Variants in DNAAF1 observed in about 807,000 individuals in gnomAD.
The protein encoded by DNAAF1 is dynein axonemal assembly factor 1, also known as dynein assembly factor 1, axonemal.
A neutral mutation model predicts 71.1 loss-of-function variants in DNAAF1; 65 were observed. That is an observed-to-expected ratio of 0.91 (90% CI 0.75 to 1.12). The LOEUF is 1.12. Ranked by LOEUF, DNAAF1 falls within the 50% of genes most tolerant of loss-of-function variation. The probability of loss-of-function intolerance (pLI) is 0.00; values close to 1 mark genes in which losing one functional copy is unlikely to be tolerated. For synonymous variants in DNAAF1, 414 were observed against 354.6 expected (o/e 1.17, Z -1.88); for missense variants, 1,178 against 899.8 (o/e 1.31, Z -3.96).
chr16:84,175,837 T>C (rs878879740), intron 10 of DNAAF1, 96 bp from the exon 11 acceptor site: 1 of 1,463,686 alleles, frequency 6.8e-7, no homozygotes, highest in Non-Finnish European at 9.5e-7. Context: ...GAATACTTTG[T>C]GACATTGGGT....
chr16:84,148,448 C>T (rs905369168), intron 1 of DNAAF1, among the ~76,000 whole-genome samples: 3 of 151,582 alleles, frequency 2.0e-5, no homozygotes, highest in Non-Finnish European at 2.9e-5. Flanking sequence ...TAAAAAAAAA[C>T]GCAGAAACAA....
At chr16:84,165,751 C>G (rs2087940537) in intron 6 of DNAAF1, 32 bp from the exon 7 acceptor site, 1 of 1,599,346 alleles carries the variant, frequency 6.3e-7, no homozygotes, top group African/African-American at 1.4e-5. Flanking sequence ...GAGTTCACCT[C>G]CCCTATTTAT....
intron 1 of DNAAF1, among the ~76,000 whole-genome samples, chr16:84,147,878 C>T (rs1457698950): frequency 6.6e-6 from 1 of 152,038 alleles, no homozygotes. Flanking sequence ...ACAGCCTGGC[C>T]AACATGGGGA....
rs753415854 is a variant in DNAAF1, at chr16:84,176,315, C to T, written c.2065+16C>T. The T allele has an allele frequency of 4.8e-5, 78 of 1,612,816 alleles. No individual in the cohort carries two copies. The highest frequency in any genetic ancestry group is 1.7e-4 in the Middle Eastern group (1 of 5,956). On this transcript the variant is annotated intron_variant, in intron 11 of 11. Transcript: ENST00000378553. ...TCTTCTCCGGGTAAGAGCGTGGGGC[C>T]GAGAGCACAGTGGAGACAATGTTGG...
intron 3 of DNAAF1, among the ~76,000 whole-genome samples, chr16:84,151,468 G>A (rs572815347): frequency 3.3e-5 from 5 of 152,298 alleles, no homozygotes; most frequent in African/African-American, 1.2e-4. Context: ...GTAAGATGAT[G>A]TAGGAGGACA....
intron 4 of DNAAF1, 107 bp downstream of exon 4, chr16:84,154,905 T>C (rs1159123416): frequency 9.3e-7 from 1 of 1,072,784 alleles, no homozygotes; most frequent in African/African-American, 1.6e-5. Flanking sequence ...TGTTTTTTTT[T>C]GTCTTTTTTT....
chr16:84,166,457 A>G (rs2088007935), intron 7 of DNAAF1, among the ~76,000 whole-genome samples: 1 of 149,130 alleles, frequency 6.7e-6, no homozygotes, highest in Non-Finnish European at 1.5e-5. Flanking sequence ...GCTCACTGCA[A>G]CCTCTGCCTC....
chr16:84,173,209 A>G (rs1259182106), intron 9 of DNAAF1: 1 of 983,512 alleles, frequency 1.0e-6, no homozygotes, highest in Non-Finnish European at 1.2e-6. Flanking sequence ...TACGCCTGTA[A>G]TCCCAGCACT....
chr16:84,166,684 T>A (rs894972424), intron 7 of DNAAF1, among the ~76,000 whole-genome samples: 10 of 152,226 alleles, frequency 6.6e-5, no homozygotes, highest in African/African-American at 2.2e-4. Flanking sequence ...GGGATTTTTT[T>A]AAAACCATTT....
intron 4 of DNAAF1, 81 bp from the exon 5 acceptor site, chr16:84,155,502 T>C: frequency 6.7e-7 from 1 of 1,485,870 alleles, no homozygotes; most frequent in Non-Finnish European, 9.4e-7. Flanking sequence ...AGTGCTGGGA[T>C]TACAGGTATG....
At chr16:84,175,838 G>T in intron 10 of DNAAF1, 95 bp from the exon 11 acceptor site, 1 of 1,467,288 alleles carries the variant, frequency 6.8e-7, no homozygotes, top group Non-Finnish European at 9.4e-7. Context: ...AATACTTTGT[G>T]ACATTGGGTG....
At chr16:84,153,615 T>A (rs925285724) in intron 3 of DNAAF1, among the ~76,000 whole-genome samples, 21 of 152,138 alleles carry the variant, frequency 1.4e-4, no homozygotes, top group Admixed American at 5.2e-4. Flanking sequence ...ACCATTGATA[T>A]TAGAATTTTT....
In DNAAF1 at chr16:84,174,793, C is replaced by G. The variant is rs1489629839; in HGVS notation, c.1698+71C>G. ...CCTTCGTTCTTGTCGTTTACCGTTT[C>G]TCTCCTAAACTTGAAAGTAAAATGT... On this transcript the variant is annotated intron_variant, in intron 10 of 11. Coordinates refer to ENST00000378553, the MANE Select transcript of DNAAF1 (RefSeq NM_178452.6). The G allele has an allele frequency of 3.8e-6, 6 of 1,585,434 alleles. No individual in the cohort carries two copies. In the African/African-American group the frequency reaches 5.4e-5, roughly 14 times the overall value.
At chr16:84,167,132 A>G (rs948174193) in intron 7 of DNAAF1, among the ~76,000 whole-genome samples, 3 of 152,152 alleles carry the variant, frequency 2.0e-5, no homozygotes, top group African/African-American at 7.2e-5. Flanking sequence ...TTTGGGTTTG[A>G]TAATTTGCTA....
chr16:84,176,593 G>A, intron 11 of DNAAF1: 1 of 503,214 alleles, frequency 2.0e-6, no homozygotes, highest in Non-Finnish European at 3.6e-6. Flanking sequence ...AGATCTCCTG[G>A]GGCGGGGGCC....
chr16:84,149,227 A>C, intron 2 of DNAAF1, 85 bp downstream of exon 2: 2 of 1,544,964 alleles, frequency 1.3e-6, no homozygotes, highest in South Asian at 2.2e-5. Context: ...AATGAAATAG[A>C]GGCTGGTAGA....
intron 1 of DNAAF1, among the ~76,000 whole-genome samples, chr16:84,145,816 G>A (rs1030856202): frequency 1.3e-5 from 2 of 152,204 alleles, no homozygotes; most frequent in Admixed American, 6.5e-5. Flanking sequence ...GACTTGGCCG[G>A]GTGCGGTGGC....
chr16:84,164,158 A>G (rs542814183), intron 6 of DNAAF1, among the ~76,000 whole-genome samples: 2 of 152,302 alleles, frequency 1.3e-5, no homozygotes, highest in East Asian at 3.9e-4. Flanking sequence ...AGCAGAAAGT[A>G]GAGAGAGTTT....
chr16:84,161,619 G>A (rs2087720306), intron 6 of DNAAF1, among the ~76,000 whole-genome samples: 1 of 151,824 alleles, frequency 6.6e-6, no homozygotes, highest in African/African-American at 2.4e-5. Flanking sequence ...TCCTGCGTTG[G>A]CCTCCCAAAG....
Sources: gnomAD v4.1 joint callset for allele counts (sites outside exome capture counted in the v4.1 genomes callset) on GRCh38, gnomAD v4.1.1 for gene constraint, MANE v1.5 for transcripts, NCBI Gene and HGNC (gene_info 2026-07-23, HGNC 2026-07-21) for gene names.